The following OTOF variants were observed in gnomAD, a reference collection of about 807,000 sequenced individuals.
OTOF encodes the protein otoferlin.
In OTOF, 218 loss-of-function variants were observed where a neutral mutation model predicts 236.8. The ratio of observed to expected loss-of-function variants is 0.92; its 90% CI spans 0.82 to 1.03. The LOEUF is 1.03. Ranked by LOEUF, OTOF falls within the 50% of genes least tolerant of loss-of-function variation. OTOF has a pLI of 0.00. For synonymous variants in OTOF, 1,041 were observed against 1,072.5 expected, an observed-to-expected ratio of 0.97 and a Z score of 0.57; for missense variants, 2,590 against 2,694.4, an observed-to-expected ratio of 0.96 and a Z score of 0.86.
Position 26,551,349 on chromosome 2 carries a change from C to T in OTOF, c.79+7144G>A, listed in dbSNP as rs191119421. Among the ~76,000 whole-genome samples, 34 of 152,318 alleles carry T rather than the reference C, an allele frequency of 2.2e-4. No homozygotes were observed. In the East Asian group the frequency reaches 3.3e-3, roughly 15 times the overall value. ...GACCCTTCAAGGGCTTCTTAAATAC[C>T]GCCCATTCCTCCTGCTCAATAAAAA... On this transcript the variant is annotated intron_variant, in intron 1 of 46. Coordinates refer to ENST00000272371, the MANE Select transcript of OTOF (RefSeq NM_194248.3).
At chr2:26,543,338 C>T (rs1667251602) in intron 1 of OTOF, among the ~76,000 whole-genome samples, 1 of 152,218 alleles carries the variant, frequency 6.6e-6, no homozygotes, top group Non-Finnish European at 1.5e-5. Context: ...CATCCAACCC[C>T]TTGGGGTCTC....
intron 5 of OTOF, among the ~76,000 whole-genome samples, chr2:26,514,156 G>A (rs886381731): frequency 3.9e-5 from 6 of 152,276 alleles, no homozygotes; most frequent in African/African-American, 1.4e-4. Context: ...GTGTAGCAGC[G>A]ATGCCTGTCC....
rs190935137 is a variant in OTOF, at chr2:26,462,516, T to A, written c.5193-335A>T. On this transcript the variant is annotated intron_variant, in intron 41 of 46. Coordinates refer to ENST00000272371, the MANE Select transcript of OTOF (RefSeq NM_194248.3). This position sits in a 1 kb window ranked among gnomAD's most constrained non-coding sequence, Gnocchi z 4.7. Reference sequence around the variant, plus strand: ...TGTATGTCCCTGTCCCCAAAGAGGATTTTCCCCTCAAGGTTTAATTGTAAT... The same window carrying A: ...TGTATGTCCCTGTCCCCAAAGAGGAATTTCCCCTCAAGGTTTAATTGTAAT... 2.0e-5 allele frequency among the ~76,000 whole-genome samples: 3 copies of A among 152,330 alleles called. No homozygotes were observed. In the East Asian group the frequency reaches 5.8e-4, roughly 29 times the overall value.
In OTOF at chr2:26,465,827, C is replaced by G; in HGVS notation, c.4644G>C (p.Glu1548Asp). ...GCATGGATTCCATGGGGAAGGAGGC[C>G]TCGATGTCAAAGGACCTGGTGGGGT... The part of the protein sequence containing the change: ...NPVFGKSFDI[E>D]ASFPMESMLT... The change falls in exon 38 of 47, where the codon GAG (glutamate) becomes GAC (aspartate). Residue 1548 changes from glutamate (E) to aspartate (D), a missense_variant. Physicochemically the swap from Glu to Asp is conservative, Grantham distance 45. This residue lies in a region of OTOF where 1,211 missense variants were observed against 1,352.8 expected (regional missense o/e 0.90). Coordinates refer to ENST00000272371, the MANE Select transcript of OTOF (RefSeq NM_194248.3). The G allele has an allele frequency of 6.2e-7, 1 of 1,614,236 alleles. No individual in the cohort carries two copies. The highest frequency in any genetic ancestry group is 8.5e-7 in the Non-Finnish European group (1 of 1,180,042).
At chr2:26,503,075 G>A (rs1216092311) in intron 6 of OTOF, among the ~76,000 whole-genome samples, 1 of 152,174 alleles carries the variant, frequency 6.6e-6, no homozygotes, top group Non-Finnish European at 1.5e-5. Context: ...TGGCATGGGG[G>A]CAAGAGGGTG....
At chr2:26,471,503 G>A (rs745333251) in intron 30 of OTOF, among the ~76,000 whole-genome samples, 5 of 152,190 alleles carry the variant, frequency 3.3e-5, no homozygotes, top group Non-Finnish European at 7.4e-5. Context: ...CCCAAAGCCA[G>A]GAGGAATAAG....
intron 9 of OTOF, among the ~76,000 whole-genome samples, chr2:26,491,136 C>A (rs1489596695): frequency 1.3e-5 from 2 of 152,102 alleles, no homozygotes; most frequent in Non-Finnish European, 2.9e-5. Flanking sequence ...ACAGGGGAAG[C>A]AGGAGAGTGG....
intron 33 of OTOF, 78 bp downstream of exon 33, chr2:26,468,330 C>T: frequency 9.7e-7 from 1 of 1,032,680 alleles, no homozygotes. Context: ...AAAAGAGAAG[C>T]AGGTGATGAG....
intron 1 of OTOF, among the ~76,000 whole-genome samples, chr2:26,555,270 C>A (rs761235341): frequency 1.3e-5 from 2 of 152,180 alleles, no homozygotes; most frequent in Non-Finnish European, 2.9e-5. Context: ...CCACTGTCTC[C>A]ATTTTGTTAA....
At chr2:26,501,068 A>G (rs1446496402) in intron 8 of OTOF, among the ~76,000 whole-genome samples, 2 of 152,198 alleles carry the variant, frequency 1.3e-5, no homozygotes, top group Non-Finnish European at 2.9e-5. Context: ...GTTAGCCTCC[A>G]AGGGAGGGTC....
chr2:26,529,583 C>G (rs1393440345), intron 2 of OTOF, among the ~76,000 whole-genome samples: 1 of 152,144 alleles, frequency 6.6e-6, no homozygotes, highest in Non-Finnish European at 1.5e-5. Context: ...CCACCCTGCA[C>G]GTTTGCCATT....
At chr2:26,487,782 T>C (rs1041654210) in intron 11 of OTOF, among the ~76,000 whole-genome samples, 2 of 152,314 alleles carry the variant, frequency 1.3e-5, no homozygotes, top group African/African-American at 4.8e-5. Context: ...TCCAAGCAAG[T>C]AGTCCACGGC....
At chr2:26,498,791 G>A (rs190887301) in intron 8 of OTOF, among the ~76,000 whole-genome samples, 73 of 152,300 alleles carry the variant, frequency 4.8e-4, no homozygotes, top group African/African-American at 1.8e-3. Context: ...CATCTGCTGG[G>A]AGCCAGAGAT....
chr2:26,528,911 T>C (rs1666874119), intron 2 of OTOF, among the ~76,000 whole-genome samples: 1 of 152,204 alleles, frequency 6.6e-6, no homozygotes, highest in African/African-American at 2.4e-5. Flanking sequence ...AAATCCCCAG[T>C]GGCATCTGCA....
chr2:26,552,923 A>G (rs1257561715), intron 1 of OTOF, among the ~76,000 whole-genome samples: 1 of 152,198 alleles, frequency 6.6e-6, no homozygotes, highest in Admixed American at 6.5e-5. Flanking sequence ...GCTAGGCTGG[A>G]CCACAGCCCA....
chr2:26,480,219 G>A lies in OTOF; in HGVS notation c.1896C>T (p.Thr632=). The A allele has an allele frequency of 1.2e-6, 2 of 1,610,254 alleles. No homozygotes were observed. The highest frequency in any genetic ancestry group is 1.3e-5 in the African/African-American group (1 of 75,002). ...IDRRNGDKPI[T]FEVTIGNYGN... is the part of the protein sequence containing the mutation. ...AGCACTCACCTATGGTGACCTCAAA[G>A]GTGATGGGCTTGTCTCCGTTTCTCC... Residue 632 remains threonine (T), a synonymous_variant, in exon 16 of 47, where the codon ACC becomes ACT. Coordinates refer to ENST00000272371, the MANE Select transcript of OTOF (RefSeq NM_194248.3).
intron 9 of OTOF, among the ~76,000 whole-genome samples, chr2:26,493,951 G>A (rs546031921): frequency 5.8e-4 from 88 of 152,276 alleles, no homozygotes; most frequent in Non-Finnish European, 1.0e-3. Flanking sequence ...TCTCACTTTC[G>A]CTGTTCTTCA....
At chr2:26,463,937 C>A (rs1032608578) in intron 40 of OTOF, 27 bp downstream of exon 40, 40 of 1,613,572 alleles carry the variant, frequency 2.5e-5, no homozygotes, top group Non-Finnish European at 3.3e-5. Flanking sequence ...TACCCAAGAA[C>A]CCCAGTCTTG....
chr2:26,469,490 C>T (rs1352916640), intron 32 of OTOF, among the ~76,000 whole-genome samples: 2 of 152,210 alleles, frequency 1.3e-5, no homozygotes, highest in African/African-American at 4.8e-5. Context: ...ATAAGTGTAG[C>T]TAAGGGACTA....
Sources: gnomAD v4.1 joint callset for allele counts (sites outside exome capture counted in the v4.1 genomes callset) on GRCh38, gnomAD v4.1.1 for gene constraint, gnomAD v4.1.1 regional missense constraint, Gnocchi (gnomAD v3.1) non-coding constraint, MANE v1.5 for transcripts, NCBI Gene and HGNC (gene_info 2026-07-23, HGNC 2026-07-21) for gene names.